Variants in CMIP observed in about 807,000 individuals in gnomAD.
The protein encoded by CMIP is C-Maf-inducing protein.
Under a neutral mutation model 97.3 loss-of-function variants are expected in CMIP, and 13 were observed. The observed-to-expected ratio is 0.13, with a 90% CI of 0.09 to 0.21. The LOEUF (loss-of-function observed/expected upper bound fraction) is 0.21, where lower values mean the gene tolerates loss of function less well. Among genes scored for constraint, CMIP ranks in the 10% least tolerant of loss-of-function variants. The pLI is 1.00. For missense variants in CMIP, 847 were observed against 1,024.9 expected (o/e 0.83, Z 2.37); for synonymous variants, 538 against 436.3 (o/e 1.23, Z -2.91).
chr16:81,476,095 C>T, intron 1 of CMIP: 1 of 789,592 alleles, frequency 1.3e-6, no homozygotes. Flanking sequence ...CAAAGTGCTC[C>T]ATGGCCTCCA....
At position 81,466,736 on chromosome 16, in the gene CMIP, G is replaced by T. The variant is rs576864063; in HGVS notation, c.300+21195G>T. On this transcript the variant is annotated intron_variant, in intron 1 of 20. Transcript: ENST00000537098. ...GCAAGTTAATGCATTGACCATGGGG[G>T]GCTTAGCACAGCGCCGTTTCCCTGG... 9.5e-4 allele frequency among the ~76,000 whole-genome samples: 145 copies of T among 152,304 alleles called. 1 individual carries two copies. The highest frequency in any genetic ancestry group is 1.9e-3 in the South Asian group (9 of 4,832).
intron 1 of CMIP, among the ~76,000 whole-genome samples, chr16:81,521,171 C>G (rs1057026590): frequency 6.6e-6 from 1 of 152,170 alleles, no homozygotes. Flanking sequence ...TGTCACTGCC[C>G]GGTCGCCGTG....
chr16:81,601,302 C>T lies in CMIP; in HGVS notation c.301-6265C>T, dbSNP rs2091653170. 1.3e-5 allele frequency among the ~76,000 whole-genome samples: 2 copies of T among 152,276 alleles called. 1 individual carries two copies. The highest frequency in any genetic ancestry group is 4.2e-4 in the South Asian group (2 of 4,818). On this transcript the variant is annotated intron_variant, in intron 1 of 20. Transcript: ENST00000537098. ...TTCGTATTCACTTTGAGAGGAATCC[C>T]CATGGAAACCAGCAGGCAGGTTTGG...
chr16:81,600,434 C>G (rs574274311), intron 1 of CMIP, among the ~76,000 whole-genome samples: 1 of 152,284 alleles, frequency 6.6e-6, no homozygotes, highest in East Asian at 1.9e-4. Flanking sequence ...GGTTCCGACT[C>G]ATGCCATAGC....
chr16:81,693,636 C>G, intron 13 of CMIP, 149 bp downstream of exon 13: 1 of 844,486 alleles, frequency 1.2e-6, no homozygotes, highest in East Asian at 2.7e-5. Flanking sequence ...ACATCCCCGC[C>G]TGGTGCAGAG....
chr16:81,547,999 A>G (rs191248521), intron 1 of CMIP, among the ~76,000 whole-genome samples: 5 of 152,344 alleles, frequency 3.3e-5, no homozygotes, highest in Admixed American at 6.5e-5. Flanking sequence ...GTCATGCTGT[A>G]AAGCTGTTGG....
intron 1 of CMIP, among the ~76,000 whole-genome samples, chr16:81,515,845 G>A (rs1011219136): frequency 6.6e-6 from 1 of 152,146 alleles, no homozygotes; most frequent in Non-Finnish European, 1.5e-5. Context: ...CTAGGAGGTT[G>A]GAAGGCAAGA....
chr16:81,645,713 G>C (rs1297563658), intron 3 of CMIP: 1 of 1,279,700 alleles, frequency 7.8e-7, no homozygotes, highest in African/African-American at 1.5e-5. Flanking sequence ...CTGGCTGGTG[G>C]GGCTTGGGCT....
chr16:81,470,481 C>G (rs944767737), intron 1 of CMIP, among the ~76,000 whole-genome samples: 8 of 152,210 alleles, frequency 5.3e-5, no homozygotes, highest in Non-Finnish European at 8.8e-5. Flanking sequence ...TTTCTTTTCC[C>G]TTGGGTTGTC....
chr16:81,706,277 A>G (rs1258698970), intron 19 of CMIP, among the ~76,000 whole-genome samples: 1 of 151,972 alleles, frequency 6.6e-6, no homozygotes, highest in East Asian at 1.9e-4. Flanking sequence ...CTTCCCGGGG[A>G]GGTGCTGTTG....
At chr16:81,555,332 C>T (rs2090740222) in intron 1 of CMIP, among the ~76,000 whole-genome samples, 1 of 152,150 alleles carries the variant, frequency 6.6e-6, no homozygotes, top group Non-Finnish European at 1.5e-5. Context: ...AGAACCCCCC[C>T]TAGACTGTGG....
chr16:81,690,526 C>G (rs1182913895), intron 10 of CMIP, among the ~76,000 whole-genome samples: 1 of 152,160 alleles, frequency 6.6e-6, no homozygotes, highest in Non-Finnish European at 1.5e-5. Flanking sequence ...TTTTTTGAGT[C>G]TGAGTCTCGC....
intron 1 of CMIP, among the ~76,000 whole-genome samples, chr16:81,596,819 C>T (rs1207507351): frequency 2.6e-5 from 4 of 152,182 alleles, no homozygotes; most frequent in Admixed American, 1.3e-4. Flanking sequence ...TTGGTCACCC[C>T]AATAACCAGT....
In CMIP at chr16:81,614,129, G is replaced by A. The variant is rs991487030; in HGVS notation, c.426+6437G>A. 1.3e-5 allele frequency among the ~76,000 whole-genome samples: 2 copies of A among 152,176 alleles called. No homozygotes were observed. The highest frequency in any genetic ancestry group is 2.9e-5 in the Non-Finnish European group (2 of 68,026). On this transcript the variant is annotated intron_variant, in intron 2 of 20. Transcript: ENST00000537098. The surrounding 1 kb of genome is among the most constrained non-coding windows in gnomAD (Gnocchi z 5.3). ...TCATTCTGGAGAAGTGGCATTTCAGGAGGGACCTGAAGTGTAAGTAGGAGT... is the reference window on the plus strand; with the variant it reads ...TCATTCTGGAGAAGTGGCATTTCAGAAGGGACCTGAAGTGTAAGTAGGAGT...
intron 1 of CMIP, among the ~76,000 whole-genome samples, chr16:81,577,053 C>T (rs12930312): frequency 0.028 from 3,986 of 140,028 alleles, 185 homozygotes; most frequent in African/African-American, 0.081. Context: ...CCATCATAAC[C>T]ATCACCTTTA....
intron 1 of CMIP, among the ~76,000 whole-genome samples, chr16:81,452,888 T>TTG (rs201673606): frequency 2.3e-3 from 95 of 41,406 alleles, no homozygotes; most frequent in South Asian, 4.3e-3. Context: ...TTGTTTTGTT[T>TTG]TTTTTTTTTT....
intron 20 of CMIP, 123 bp downstream of exon 20, chr16:81,707,207 C>T (rs1357545597): frequency 5.1e-6 from 4 of 780,606 alleles, no homozygotes; most frequent in East Asian, 2.5e-5. Flanking sequence ...CAGATCAATA[C>T]ATAAAATAAT....
intron 1 of CMIP, among the ~76,000 whole-genome samples, chr16:81,528,959 C>T (rs1242420409): frequency 2.6e-5 from 4 of 152,064 alleles, no homozygotes; most frequent in African/African-American, 9.7e-5. Flanking sequence ...ACCCGTCCAT[C>T]CACCCACCCA....
intron 9 of CMIP, among the ~76,000 whole-genome samples, chr16:81,676,767 C>A (rs1048141543): frequency 1.3e-4 from 20 of 152,334 alleles, no homozygotes; most frequent in Admixed American, 8.5e-4. Context: ...GGTTCAAGTT[C>A]TGCACACAGC....
Sources: gnomAD v4.1 joint callset for allele counts (sites outside exome capture counted in the v4.1 genomes callset) on GRCh38, gnomAD v4.1.1 for gene constraint, Gnocchi (gnomAD v3.1) non-coding constraint, MANE v1.5 for transcripts, NCBI Gene and HGNC (gene_info 2026-07-23, HGNC 2026-07-21) for gene names.